TARBP1: variants seen among roughly 807,000 people sequenced by gnomAD.
TARBP1 encodes tRNA guanosine 2 -O-methyltransferase TARBP1, also known as tRNA (guanosine(18)-2'-O)-methyltransferase TARBP1.
A neutral mutation model predicts 178.6 loss-of-function variants in TARBP1; 144 were observed. That is an observed-to-expected ratio of 0.81 (90% confidence interval 0.70 to 0.93). The LOEUF is 0.93. Among genes scored for constraint, TARBP1 ranks in the 40% least tolerant of loss-of-function variants. TARBP1 has a pLI of 0.00. For synonymous variants in TARBP1, 787 were observed against 781.0 expected (o/e 1.01, Z -0.13); for missense variants, 2,067 against 2,011.7 (o/e 1.03, Z -0.53).
At chr1:234,464,898 C>T (rs1668269571) in intron 5 of TARBP1, among the ~76,000 whole-genome samples, 1 of 152,234 alleles carries the variant, frequency 6.6e-6, no homozygotes, top group Admixed American at 6.5e-5. Context: ...AAACTTCTCA[C>T]TGTCAACCTT....
At chr1:234,430,884 T>C (rs12086357) in intron 14 of TARBP1, among the ~76,000 whole-genome samples, 16,849 of 152,230 alleles carry the variant, frequency 0.11, 1,151 homozygotes, top group East Asian at 0.23. Context: ...GTAGACATAC[T>C]ACACCTTAGT....
intron 15 of TARBP1, 74 bp from the exon 16 acceptor site, chr1:234,429,751 T>A (rs1664208628): frequency 1.0e-5 from 9 of 880,280 alleles, no homozygotes; most frequent in African/African-American, 2.4e-5. Context: ...TAGCACACTA[T>A]CCTTTCTAAA....
chr1:234,449,127 G>A (rs1053270805), intron 10 of TARBP1, among the ~76,000 whole-genome samples: 3 of 152,182 alleles, frequency 2.0e-5, no homozygotes, highest in African/African-American at 4.8e-5. Flanking sequence ...GAAAATAGGA[G>A]GATGCTCATG....
chr1:234,471,070 A>G (rs897780551), intron 3 of TARBP1, 118 bp downstream of exon 3: 1 of 745,048 alleles, frequency 1.3e-6, no homozygotes, highest in Admixed American at 3.0e-5. Flanking sequence ...AGATGATTAT[A>G]TTTTCTTCTG....
intron 22 of TARBP1, among the ~76,000 whole-genome samples, chr1:234,414,762 A>G (rs1013403250): frequency 3.3e-5 from 5 of 152,202 alleles, no homozygotes; most frequent in Admixed American, 2.0e-4. Flanking sequence ...AAGCGGGCAG[A>G]TCACCTGAGG....
chr1:234,459,686 C>A (rs1324174309), intron 7 of TARBP1, among the ~76,000 whole-genome samples: 2 of 151,926 alleles, frequency 1.3e-5, no homozygotes, highest in Non-Finnish European at 2.9e-5. Flanking sequence ...ATGGCGCACA[C>A]CTTTAATCCC....
rs1457539115 is a variant in TARBP1, at chr1:234,446,899, T to C, written c.2038A>G (p.Asn680Asp). The change falls in exon 12 of 30, where the codon AAT becomes GAT. Residue 680 changes from asparagine (N) to aspartate (D), a missense_variant. Physicochemically the swap from Asn to Asp is conservative, Grantham distance 23. Transcript: ENST00000040877. ...LLDVLMKFST[N>D]AYMPLLKTDR... The stretch of plus-strand genomic sequence containing the variant: ...GTCTTCAGCAAGGGCATGTAGGCAT[T>C]GGTACTAAACTTCATAAGCACATCC... 3 of 1,613,902 alleles carry C rather than the reference T, an allele frequency of 1.9e-6. No homozygotes were observed. The highest frequency in any genetic ancestry group is 2.5e-6 in the Non-Finnish European group (3 of 1,179,968).
chr1:234,479,082 C>A lies in TARBP1; in HGVS notation c.22G>T (p.Ala8Ser). Residue 8 changes from alanine (A) to serine (S), a missense_variant, in exon 1 of 30, where the codon GCG becomes TCG. Physicochemically the swap from Ala to Ser is moderately conservative, Grantham distance 99. Coordinates refer to ENST00000040877, the MANE Select transcript of TARBP1 (RefSeq NM_005646.4). Reference protein sequence around the residue: MEWVLAEALLSQSRDPRA... With the variant: MEWVLAESLLSQSRDPRA... Reference sequence around the variant, plus strand: ...GGGTCCCGGCTCTGCGAGAGCAGCGCTTCCGCGAGCACCCACTCCATTTGC... The same window carrying A: ...GGGTCCCGGCTCTGCGAGAGCAGCGATTCCGCGAGCACCCACTCCATTTGC... 1.3e-6 allele frequency: 2 copies of A among 1,539,396 alleles called. No homozygotes were observed. The highest frequency in any genetic ancestry group is 1.7e-6 in the Non-Finnish European group (2 of 1,155,994).
chr1:234,430,340 C>T, intron 14 of TARBP1, 39 bp from the exon 15 acceptor site: 1 of 1,582,656 alleles, frequency 6.3e-7, no homozygotes, highest in Non-Finnish European at 8.6e-7. Context: ...TTAATATGCA[C>T]AAGTCTTAAT....
At chr1:234,456,615 TCA>T in intron 9 of TARBP1, among the ~76,000 whole-genome samples, 1 of 152,236 alleles carries the variant, frequency 6.6e-6, no homozygotes, top group Non-Finnish European at 1.5e-5. Flanking sequence ...GCTAAAATGC[TCA>T]TATATATGTG....
chr1:234,472,019 T>C (rs1414103652), intron 2 of TARBP1, among the ~76,000 whole-genome samples: 2 of 152,062 alleles, frequency 1.3e-5, no homozygotes, highest in Non-Finnish European at 2.9e-5. Flanking sequence ...GCAGCATACA[T>C]ATCACCTGGG....
intron 2 of TARBP1, among the ~76,000 whole-genome samples, chr1:234,471,476 G>C (rs1358351146): frequency 6.6e-6 from 1 of 152,176 alleles, no homozygotes; most frequent in Non-Finnish European, 1.5e-5. Context: ...CTACATTAAA[G>C]TCTACCATTT....
chr1:234,410,375 T>A, intron 23 of TARBP1, 70 bp downstream of exon 23: 1 of 953,734 alleles, frequency 1.0e-6, no homozygotes. Flanking sequence ...GCTCTACATA[T>A]AAAAAATTGG....
chr1:234,457,791 G>T, intron 8 of TARBP1, 35 bp from the exon 9 acceptor site: 10 of 1,460,478 alleles, frequency 6.8e-6, no homozygotes, highest in East Asian at 2.4e-5. Context: ...AAAATTACTC[G>T]TATTAAAATG....
Position 234,446,964 on chromosome 1 carries a change from C to T in TARBP1, c.1973G>A (p.Arg658Lys). ...GAATATCCGCAATACATTCTCTGTT[C>T]TCTGCTTTCCGCTAGACATTAAAAG... is the stretch of plus-strand genomic sequence containing the variant. ...GMKTQYSGKQ[R>K]TENVLRIFLD... The change falls in exon 12 of 30, where the codon AGA becomes AAA. Residue 658 changes from arginine to lysine, a missense_variant. By Grantham distance (26) the Arg-to-Lys change is conservative (BLOSUM62 2). Transcript: ENST00000040877. The T allele has an allele frequency of 6.2e-7, 1 of 1,613,042 alleles. No individual in the cohort carries two copies. The highest frequency in any genetic ancestry group is 8.5e-7 in the Non-Finnish European group (1 of 1,179,472).
intron 24 of TARBP1, among the ~76,000 whole-genome samples, chr1:234,402,122 A>AAAAT (rs1437556221): frequency 2.6e-5 from 4 of 152,234 alleles, no homozygotes; most frequent in African/African-American, 9.6e-5. Context: ...AAACCTTATT[A>AAAAT]AAGTGTCCAT....
At chr1:234,453,487 G>C (rs1235280192) in intron 9 of TARBP1, among the ~76,000 whole-genome samples, 1 of 151,936 alleles carries the variant, frequency 6.6e-6, no homozygotes, top group Non-Finnish European at 1.5e-5. Context: ...ACCATGCCTG[G>C]CTGGAACTCT....
At chr1:234,412,028 T>C (rs1661877008) in intron 22 of TARBP1, among the ~76,000 whole-genome samples, 1 of 152,144 alleles carries the variant, frequency 6.6e-6, no homozygotes, top group Non-Finnish European at 1.5e-5. Context: ...AAGATAAAAA[T>C]CAAATCAGAT....
intron 6 of TARBP1, among the ~76,000 whole-genome samples, chr1:234,460,600 G>C (rs571698168): frequency 1.1e-3 from 172 of 152,280 alleles, no homozygotes; most frequent in African/African-American, 3.9e-3. Context: ...CAATGCTGGT[G>C]GGAATGTAAA....
Sources: gnomAD v4.1 joint callset for allele counts (sites outside exome capture counted in the v4.1 genomes callset) on GRCh38, gnomAD v4.1.1 for gene constraint, MANE v1.5 for transcripts, NCBI Gene and HGNC (gene_info 2026-07-23, HGNC 2026-07-21) for gene names.